FABP6: variants seen among roughly 807,000 people sequenced by gnomAD.
The protein encoded by FABP6 is fatty acid binding protein 6, also known as gastrotropin.
Under a neutral mutation model 14.9 loss-of-function variants are expected in FABP6, and 13 were observed. The ratio of observed to expected loss-of-function variants is 0.87; its 90% CI spans 0.57 to 1.39. The LOEUF (loss-of-function observed/expected upper bound fraction) is 1.39. Among genes scored for constraint, FABP6 ranks in the 40% most tolerant of loss-of-function variants. The probability of loss-of-function intolerance (pLI) is 0.00; values close to 1 mark genes in which losing one functional copy is unlikely to be tolerated. For missense variants in FABP6, 161 were observed against 167.2 expected (o/e 0.96, Z 0.20); for synonymous variants, 75 against 63.6 (o/e 1.18, Z -0.85).
intron 3 of FABP6, among the ~76,000 whole-genome samples, chr5:160,236,501 A>C (rs913075186): frequency 2.0e-5 from 3 of 152,026 alleles, no homozygotes; most frequent in Non-Finnish European, 4.4e-5. Context: ...CCCTCCCATT[A>C]TACTTATTTT....
chr5:160,221,463 C>A (rs940703552), intron 3 of FABP6, among the ~76,000 whole-genome samples: 1 of 152,172 alleles, frequency 6.6e-6, no homozygotes, highest in East Asian at 1.9e-4. Flanking sequence ...CGAACTTCCT[C>A]CAAGACGAGA....
intron 3 of FABP6, among the ~76,000 whole-genome samples, chr5:160,215,406 G>T (rs987320691): frequency 6.6e-6 from 1 of 152,120 alleles, no homozygotes; most frequent in African/African-American, 2.4e-5. Context: ...CCAGCTACTA[G>T]GGAGGCTGAG....
upstream of FABP6, among the ~76,000 whole-genome samples, chr5:160,225,311 G>T (rs1190137850): frequency 2.0e-5 from 3 of 151,700 alleles, no homozygotes; most frequent in Non-Finnish European, 4.4e-5. Context: ...TGGCCAGGCT[G>T]GTCTCGAACT....
chr5:160,209,203 C>T (rs1424091419), intron 2 of FABP6, among the ~76,000 whole-genome samples: 1 of 152,016 alleles, frequency 6.6e-6, no homozygotes, highest in African/African-American at 2.4e-5. Flanking sequence ...ATCTGGGCAA[C>T]AGAGCAAGAC....
At chr5:160,231,972 A>T in intron 1 of FABP6, 126 bp from the exon 2 acceptor site, 1 of 1,094,510 alleles carries the variant, frequency 9.1e-7, no homozygotes, top group Non-Finnish European at 1.3e-6. Context: ...CTGTGCTCTT[A>T]ACCTGCAGGC....
chr5:160,233,353 C>A (rs1760434603), intron 2 of FABP6, among the ~76,000 whole-genome samples: 1 of 152,024 alleles, frequency 6.6e-6, no homozygotes, highest in African/African-American at 2.4e-5. Context: ...TGAGCCTTGG[C>A]TGGGTTTGAA....
chr5:160,234,218 T>C (rs1760455346), intron 2 of FABP6, among the ~76,000 whole-genome samples: 1 of 152,132 alleles, frequency 6.6e-6, no homozygotes, highest in South Asian at 2.1e-4. Flanking sequence ...ACCATAACCT[T>C]TGCTTTGTCA....
chr5:160,237,076 A>G (rs1312409787), intron 3 of FABP6, among the ~76,000 whole-genome samples: 14 of 152,198 alleles, frequency 9.2e-5, no homozygotes, highest in Admixed American at 9.2e-4. Context: ...CTCCTGGGTG[A>G]AAACTGACAT....
Position 160,213,818 on chromosome 5 carries a change from AG to A in FABP6, c.135+1del. On this transcript the variant is annotated frameshift_variant and splice_region_variant, in exon 3 of 7. Coordinates refer to the FABP6 transcript ENST00000393980. LOFTEE classifies it high-confidence loss of function. ...AGAATGAAACAGACACATAAAGGAA[AG>A]GTATGGGGTAGAAGAAGGGAGGGAA... 6.2e-7 allele frequency: 1 copy of A among 1,613,302 alleles called. No individual in the cohort carries two copies. The highest frequency in any genetic ancestry group is 8.5e-7 in the Non-Finnish European group (1 of 1,179,344).
chr5:160,223,391 T>TCTC (rs1760174054), intron 3 of FABP6, among the ~76,000 whole-genome samples: 3 of 13,880 alleles, frequency 2.2e-4, no homozygotes, highest in South Asian at 1.7e-3. Flanking sequence ...CCCTCTCTCC[T>TCTC]TCCTTCCTTC....
intron 1 of FABP6, among the ~76,000 whole-genome samples, chr5:160,191,218 C>A (rs1205011263): frequency 1.3e-5 from 2 of 152,102 alleles, no homozygotes; most frequent in Non-Finnish European, 2.9e-5. Context: ...GTAATCCTAG[C>A]ACTTTGAGAG....
rs938615453 is a variant in FABP6, at chr5:160,205,852, C to T, written c.51+6695C>T. 3.3e-5 allele frequency among the ~76,000 whole-genome samples: 5 copies of T among 152,286 alleles called. No individual in the cohort carries two copies. The East Asian group carries it at 9.6e-4, about 29-fold the overall frequency. ...GGAAATGACCCAGGGCCTCTAATGC[C>T]GTTACTGATCCACACAATCAGTCAA... On this transcript the variant is annotated intron_variant, in intron 2 of 6. Coordinates refer to the FABP6 transcript ENST00000393980.
exon 3 of FABP6, chr5:160,213,749 T>C (rs1346924337): frequency 6.2e-7 from 1 of 1,613,756 alleles, no homozygotes; most frequent in Non-Finnish European, 8.5e-7. Flanking sequence ...CTGAGAGCTG[T>C]GTTGTCTGCG....
intron 3 of FABP6, among the ~76,000 whole-genome samples, chr5:160,216,064 A>G (rs900030911): frequency 6.6e-6 from 1 of 152,140 alleles, no homozygotes; most frequent in Non-Finnish European, 1.5e-5. Context: ...GGATACATCC[A>G]TGGGCTGGAT....
At position 160,233,279 on chromosome 5, in the gene FABP6, C is replaced by T. The variant is rs186348897; in HGVS notation, c.243+1006C>T. The stretch of plus-strand genomic sequence containing the variant: ...ACAGGTGTGAGCCACCGTGCCCAGC[C>T]ATAAGTGCTTTTTTTATGCTGCCTC... On this transcript the variant is annotated intron_variant, in intron 2 of 3. Transcript: ENST00000402432. Among the ~76,000 whole-genome samples, 3 of 152,060 alleles carry T rather than the reference C, an allele frequency of 2.0e-5. No homozygotes were observed. In the East Asian group the frequency reaches 5.9e-4, roughly 30 times the overall value.
rs1759571797 is a variant in FABP6, at chr5:160,198,993, CAAT to C, written c.-58-55_-58-53del. On this transcript the variant is annotated intron_variant, in intron 1 of 6. Coordinates refer to the FABP6 transcript ENST00000393980. ...TGGATTGAATAGACAAATGAATGAA[CAAT>C]GAGATGGTCTCCAGAGCCCCTCCCA... 4 of 1,045,102 alleles carry C rather than the reference CAAT, an allele frequency of 3.8e-6. No homozygotes were observed. In the East Asian group the frequency reaches 9.5e-5, roughly 25 times the overall value. The allele number at this position is 1,045,102 out of a possible 1,614,324, so 64.7% of individuals were successfully genotyped here. A position where few individuals can be genotyped will look rare whatever the true frequency, so the allele number is the denominator to read the frequency against.
intron 1 of FABP6, among the ~76,000 whole-genome samples, chr5:160,191,321 G>A (rs1237924524): frequency 6.6e-6 from 1 of 151,708 alleles, no homozygotes; most frequent in Non-Finnish European, 1.5e-5. Context: ...CAAAAAATTA[G>A]CCAGGCATGG....
intron 3 of FABP6, among the ~76,000 whole-genome samples, chr5:160,223,367 C>CCTTCCTTCCTTCCTTCCTTCCTTCTT (rs1308125300): frequency 9.9e-5 from 2 of 20,132 alleles, no homozygotes; most frequent in East Asian, 3.0e-3. Flanking sequence ...CCTTCTTTCC[C>CCTTCCTTCCTTCCTTCCTTCCTTCTT]TCCCTCCCTC....
At chr5:160,218,642 G>C (rs1205525739) in intron 3 of FABP6, among the ~76,000 whole-genome samples, 1 of 150,794 alleles carries the variant, frequency 6.6e-6, no homozygotes, top group Non-Finnish European at 1.5e-5. Flanking sequence ...TGTATTTTTA[G>C]TAGAGACGGG....
Sources: gnomAD v4.1 joint callset for allele counts (sites outside exome capture counted in the v4.1 genomes callset) on GRCh38, gnomAD v4.1.1 for gene constraint, MANE v1.5 for transcripts, NCBI Gene and HGNC (gene_info 2026-07-23, HGNC 2026-07-21) for gene names.